RBFOX1: variants seen among roughly 807,000 people sequenced by gnomAD.
RBFOX1 encodes RNA binding fox-1 homolog 1, also known as RNA binding protein fox-1 homolog 1.
RBFOX1 carries 8 observed loss-of-function variants against 57.7 expected under a neutral mutation model. That is an observed-to-expected ratio of 0.14 (90% CI 0.08 to 0.25). The LOEUF (loss-of-function observed/expected upper bound fraction) is 0.25. Among genes scored for constraint, RBFOX1 ranks in the 10% least tolerant of loss-of-function variants. The probability of loss-of-function intolerance (pLI) is 1.00; values close to 1 mark genes in which losing one functional copy is unlikely to be tolerated. For synonymous variants in RBFOX1, 326 were observed against 222.4 expected, an observed-to-expected ratio of 1.47 and a Z score of -4.15; for missense variants, 611 against 548.5, an observed-to-expected ratio of 1.11 and a Z score of -1.14.
intron 1 of RBFOX1, among the ~76,000 whole-genome samples, chr16:6,126,624 G>A (rs1220812140): frequency 6.6e-6 from 1 of 152,136 alleles, no homozygotes; most frequent in East Asian, 1.9e-4. Flanking sequence ...CAGGTATGAT[G>A]GGATGCCTCT....
chr16:7,495,903 A>AT (rs35956356), intron 4 of RBFOX1, among the ~76,000 whole-genome samples: 18 of 151,932 alleles, frequency 1.2e-4, no homozygotes, highest in Non-Finnish European at 1.6e-4. Flanking sequence ...ATACTAGACT[A>AT]TTTTTTTTGA....
intron 3 of RBFOX1, among the ~76,000 whole-genome samples, chr16:5,809,757 G>A (rs1297067971): frequency 6.6e-6 from 1 of 152,186 alleles, no homozygotes; most frequent in Non-Finnish European, 1.5e-5. Context: ...CATTGTGGAA[G>A]TCAGTGTGGC....
At chr16:7,244,853 C>T (rs1195266396) in intron 4 of RBFOX1, among the ~76,000 whole-genome samples, 1 of 152,074 alleles carries the variant, frequency 6.6e-6, no homozygotes, top group Non-Finnish European at 1.5e-5. Context: ...CATGATGGGC[C>T]TAAATAAGAG....
chr16:6,888,060 C>G (rs981268202), intron 3 of RBFOX1, among the ~76,000 whole-genome samples: 1 of 152,016 alleles, frequency 6.6e-6, no homozygotes, highest in African/African-American at 2.4e-5. Flanking sequence ...TTGGGGAAGA[C>G]GTTCCCAGGT....
intron 10 of RBFOX1, among the ~76,000 whole-genome samples, chr16:7,616,881 C>T (rs1003037949): frequency 6.6e-6 from 1 of 152,040 alleles, no homozygotes; most frequent in Non-Finnish European, 1.5e-5. Flanking sequence ...GATATTTTAT[C>T]TCCCAGGAGC....
chr16:7,273,675 C>G (rs921240560), intron 4 of RBFOX1, among the ~76,000 whole-genome samples: 1 of 152,184 alleles, frequency 6.6e-6, no homozygotes, highest in Non-Finnish European at 1.5e-5. Context: ...AAGCTCTATT[C>G]TGATGAAAGA....
intron 3 of RBFOX1, among the ~76,000 whole-genome samples, chr16:5,675,197 C>G (rs1234185465): frequency 6.6e-6 from 1 of 151,986 alleles, no homozygotes; most frequent in African/African-American, 2.4e-5. Flanking sequence ...TATACATCCA[C>G]ATGCACATGC....
chr16:5,854,707 A>G (rs997632696), intron 3 of RBFOX1, among the ~76,000 whole-genome samples: 1 of 152,104 alleles, frequency 6.6e-6, no homozygotes. Context: ...GGGGGTGCAC[A>G]TATCTTTGAG....
At chr16:7,604,529 A>C (rs1857952) in intron 9 of RBFOX1, among the ~76,000 whole-genome samples, 62,618 of 152,046 alleles carry the variant, frequency 0.41, 15,337 homozygotes, top group Non-Finnish European at 0.54. Context: ...AGAGATTGCC[A>C]TGTGCAGACT....
chr16:6,040,520 G>A (rs916948189), intron 1 of RBFOX1, among the ~76,000 whole-genome samples: 4 of 151,996 alleles, frequency 2.6e-5, no homozygotes, highest in African/African-American at 9.7e-5. Flanking sequence ...TTATCTGCGT[G>A]GAAGCAAGTG....
intron 1 of RBFOX1, among the ~76,000 whole-genome samples, chr16:5,409,619 C>G (rs1042003881): frequency 3.3e-5 from 5 of 152,168 alleles, no homozygotes. Flanking sequence ...GGGAATATAG[C>G]TGTGAACCAA....
At chr16:6,036,077 C>T (rs924777508) in intron 1 of RBFOX1, among the ~76,000 whole-genome samples, 1 of 152,188 alleles carries the variant, frequency 6.6e-6, no homozygotes, top group Non-Finnish European at 1.5e-5. Flanking sequence ...AATCAGTCCC[C>T]TCCCTTCAAA....
intron 5 of RBFOX1, among the ~76,000 whole-genome samples, chr16:7,557,868 A>T (rs1251946203): frequency 6.6e-6 from 1 of 152,032 alleles, no homozygotes; most frequent in African/African-American, 2.4e-5. Flanking sequence ...CATCATGGCC[A>T]TTGCAAGATA....
At chr16:7,693,277 T>G in intron 14 of RBFOX1, 2 of 1,592,582 alleles carry the variant, frequency 1.3e-6, no homozygotes, top group Non-Finnish European at 1.7e-6. Context: ...CATTTCCCCC[T>G]GAGCGAGCAG....
intron 3 of RBFOX1, among the ~76,000 whole-genome samples, chr16:6,930,340 A>C (rs1371571418): frequency 6.6e-6 from 1 of 152,138 alleles, no homozygotes; most frequent in African/African-American, 2.4e-5. Flanking sequence ...TAACATCACT[A>C]ATCTCTAGAG....
chr16:5,560,135 G>A (rs184407204), intron 2 of RBFOX1, among the ~76,000 whole-genome samples: 353 of 152,248 alleles, frequency 2.3e-3, no homozygotes, highest in Middle Eastern at 6.8e-3. Context: ...TTTCCTCTGA[G>A]TATTTGCACA....
intron 4 of RBFOX1, among the ~76,000 whole-genome samples, chr16:7,324,833 T>G (rs2096590912): frequency 6.6e-6 from 1 of 151,736 alleles, no homozygotes; most frequent in Admixed American, 6.6e-5. Flanking sequence ...CCTGGATTCT[T>G]TAAGTTACTT....
At chr16:6,680,461 C>T (rs1248476120) in intron 3 of RBFOX1, among the ~76,000 whole-genome samples, 1 of 151,958 alleles carries the variant, frequency 6.6e-6, no homozygotes, top group Non-Finnish European at 1.5e-5. Flanking sequence ...GACGAGGTTT[C>T]ACCATGTTAG....
intron 4 of RBFOX1, among the ~76,000 whole-genome samples, chr16:5,899,247 A>G (rs2058247808): frequency 6.6e-6 from 1 of 152,100 alleles, no homozygotes; most frequent in Non-Finnish European, 1.5e-5. Flanking sequence ...TACAAACACA[A>G]TCTTATCTTT....
Sources: allele counts gnomAD v4.1 joint callset (sites outside exome capture counted in the v4.1 genomes callset), GRCh38; gene constraint gnomAD v4.1.1; transcripts MANE v1.5; gene names NCBI Gene and HGNC (gene_info 2026-07-23, HGNC 2026-07-21).